SLC14A2: variants seen among roughly 807,000 people sequenced by gnomAD.
The protein encoded by SLC14A2 is urea transporter 2.
A neutral mutation model predicts 104.6 loss-of-function variants in SLC14A2; 91 were observed. The observed-to-expected ratio is 0.87, with a 90% CI of 0.73 to 1.04. The LOEUF (loss-of-function observed/expected upper bound fraction) is 1.04. Among genes scored for constraint, SLC14A2 ranks in the 50% least tolerant of loss-of-function variants. The pLI, the probability that SLC14A2 is intolerant of heterozygous loss-of-function variation, is 0.00. For missense variants in SLC14A2, 1,189 were observed against 1,156.0 expected (o/e 1.03, Z -0.41); for synonymous variants, 476 against 466.4 (o/e 1.02, Z -0.27).
chr18:45,322,663 GT>G (rs1476133341), intron 1 of SLC14A2, among the ~76,000 whole-genome samples: 1 of 152,212 alleles, frequency 6.6e-6, no homozygotes, highest in Non-Finnish European at 1.5e-5. Context: ...CTTCAGGAAT[GT>G]TGTGTTGAAC....
At chr18:45,454,105 ACCTCGG>A (rs2086902122) in intron 1 of SLC14A2, among the ~76,000 whole-genome samples, 1 of 151,174 alleles carries the variant, frequency 6.6e-6, no homozygotes, top group Non-Finnish European at 1.5e-5. Flanking sequence ...TGATCCACCC[ACCTCGG>A]CCTCCCATAG....
At chr18:45,225,743 T>G (rs1599588411) in intron 1 of SLC14A2, among the ~76,000 whole-genome samples, 1 of 152,294 alleles carries the variant, frequency 6.6e-6, no homozygotes, top group East Asian at 1.9e-4. Flanking sequence ...TTTATTCTCT[T>G]TGAAGCAATT....
intron 1 of SLC14A2, among the ~76,000 whole-genome samples, chr18:45,371,267 T>TTC (rs753202791): frequency 1.3e-5 from 2 of 152,192 alleles, no homozygotes; most frequent in East Asian, 3.8e-4. Context: ...CTATCTCCTG[T>TTC]TCTCCAAACC....
At chr18:45,190,218 T>C in the SLC14A2 span, among the ~76,000 whole-genome samples, 3 of 152,212 alleles carry the variant, frequency 2.0e-5, no homozygotes, top group African/African-American at 7.2e-5. Flanking sequence ...ATTTTCCTGT[T>C]GATATAATAA....
chr18:45,405,825 G>C (rs2086148401), intron 1 of SLC14A2, among the ~76,000 whole-genome samples: 1 of 148,858 alleles, frequency 6.7e-6, no homozygotes, highest in African/African-American at 2.5e-5. Context: ...CTTGAACCCA[G>C]AAGATGGAGG....
At chr18:45,482,075 C>G (rs932126790) in intron 1 of SLC14A2, among the ~76,000 whole-genome samples, 8 of 152,000 alleles carry the variant, frequency 5.3e-5, no homozygotes, top group African/African-American at 1.9e-4. Context: ...ACAATCCTAA[C>G]AGAAAGTGAT....
At chr18:45,484,869 A>G (rs2087569925) in intron 2 of SLC14A2, among the ~76,000 whole-genome samples, 1 of 152,196 alleles carries the variant, frequency 6.6e-6, no homozygotes, top group Non-Finnish European at 1.5e-5. Flanking sequence ...TAATTCAAGA[A>G]AGAGCACAAT....
At chr18:45,418,369 A>G (rs1346951233) in intron 1 of SLC14A2, among the ~76,000 whole-genome samples, 1 of 152,184 alleles carries the variant, frequency 6.6e-6, no homozygotes, top group Non-Finnish European at 1.5e-5. Flanking sequence ...TGGCATTGTC[A>G]TAAGAGGGCG....
At chr18:45,352,677 A>G (rs1329184888) in intron 1 of SLC14A2, among the ~76,000 whole-genome samples, 1 of 152,130 alleles carries the variant, frequency 6.6e-6, no homozygotes, top group Non-Finnish European at 1.5e-5. Context: ...GGAAAATAAA[A>G]GAAGTGGTAA....
chr18:45,678,913 A>C, intron 18 of SLC14A2, 62 bp from the exon 19 acceptor site: 1 of 1,418,062 alleles, frequency 7.1e-7, no homozygotes, highest in Non-Finnish European at 9.7e-7. Context: ...TATGTAGAGC[A>C]ATCTTGAGGT....
At position 45,376,491 on chromosome 18, in the gene SLC14A2, A is replaced by C. The variant is rs555553494; in HGVS notation, c.-124-106742A>C. ...TTGTGCTCAGATTCTGCTAAGGGTT[A>C]CTGAGAATTAAGGGAAGTACAAAAA... On this transcript the variant is annotated intron_variant, in intron 1 of 20. Transcript: ENST00000586448. Among the ~76,000 whole-genome samples the C allele has an allele frequency of 7.9e-5, 12 of 152,274 alleles. No homozygotes were observed. In the South Asian group the frequency reaches 2.5e-3, roughly 32 times the overall value.
intron 1 of SLC14A2, among the ~76,000 whole-genome samples, chr18:45,262,452 C>T (rs987802333): frequency 7.9e-5 from 12 of 152,130 alleles, no homozygotes; most frequent in African/African-American, 2.9e-4. Context: ...GAAGGGGATG[C>T]TGCAGTCATC....
chr18:45,547,811 A>G (rs1234315418), intron 2 of SLC14A2, among the ~76,000 whole-genome samples: 1 of 152,234 alleles, frequency 6.6e-6, no homozygotes, highest in Non-Finnish European at 1.5e-5. Context: ...TGGCCCAGGA[A>G]GACGTTTTTA....
upstream of SLC14A2, among the ~76,000 whole-genome samples, chr18:45,614,210 G>C (rs1005055876): frequency 6.6e-5 from 10 of 152,252 alleles, no homozygotes; most frequent in Non-Finnish European, 7.3e-5. Flanking sequence ...GTGGTGTTGA[G>C]CCTGCAGGTG....
intron 1 of SLC14A2, among the ~76,000 whole-genome samples, chr18:45,434,792 A>C (rs1473836052): frequency 6.6e-6 from 1 of 152,228 alleles, no homozygotes; most frequent in Non-Finnish European, 1.5e-5. Context: ...GTGAATAGCT[A>C]TCAAAACGTG....
chr18:45,460,512 TG>T (rs1318960282), intron 1 of SLC14A2, among the ~76,000 whole-genome samples: 19 of 152,156 alleles, frequency 1.2e-4, no homozygotes, highest in Non-Finnish European at 2.6e-4. Flanking sequence ...TCCCAACTTA[TG>T]GGAAAATAGG....
chr18:45,328,232 G>A (rs1054142519), intron 1 of SLC14A2, among the ~76,000 whole-genome samples: 4 of 152,174 alleles, frequency 2.6e-5, no homozygotes, highest in African/African-American at 7.2e-5. Flanking sequence ...TTCTCCTCCT[G>A]AAGGTGCTTG....
chr18:45,594,134 G>A (rs993411878), intron 2 of SLC14A2, among the ~76,000 whole-genome samples: 3 of 152,182 alleles, frequency 2.0e-5, no homozygotes, highest in African/African-American at 4.8e-5. Context: ...GATACAGACT[G>A]CAAGAGTGCA....
intron 1 of SLC14A2, among the ~76,000 whole-genome samples, chr18:45,219,898 C>T (rs918558626): frequency 6.6e-5 from 10 of 152,104 alleles, no homozygotes; most frequent in Admixed American, 5.9e-4. Context: ...AATCAACAAA[C>T]AAAATCAAAT....
Sources: gnomAD v4.1 joint callset for allele counts (sites outside exome capture counted in the v4.1 genomes callset) on GRCh38, gnomAD v4.1.1 for gene constraint, MANE v1.5 for transcripts, NCBI Gene and HGNC (gene_info 2026-07-23, HGNC 2026-07-21) for gene names.